Variants in SGCZ observed in about 807,000 individuals in gnomAD.
SGCZ encodes sarcoglycan zeta.
A neutral mutation model predicts 41.3 loss-of-function variants in SGCZ; 40 were observed. The observed-to-expected ratio is 0.97, with a 90% CI of 0.75 to 1.26. SGCZ has a LOEUF of 1.26. Ranked by LOEUF, SGCZ falls within the 50% of genes most tolerant of loss-of-function variation. The pLI is 0.00. For synonymous variants in SGCZ, 206 were observed against 137.5 expected (o/e 1.50, Z -3.49); for missense variants, 552 against 369.8 (o/e 1.49, Z -4.04).
chr8:15,012,606 A>AAAAT (rs372754667), intron 1 of SGCZ, among the ~76,000 whole-genome samples: 7 of 109,552 alleles, frequency 6.4e-5, no homozygotes, highest in African/African-American at 2.9e-4. Context: ...ATATTTATAT[A>AAAAT]ATACATATAT....
At chr8:14,310,818 A>C (rs559920728) in intron 3 of SGCZ, among the ~76,000 whole-genome samples, 2 of 152,248 alleles carry the variant, frequency 1.3e-5, no homozygotes, top group East Asian at 1.9e-4. Flanking sequence ...TAAGGGAAAT[A>C]TGGTGGTAAT....
At chr8:14,720,419 A>G (rs1390658128) in intron 1 of SGCZ, among the ~76,000 whole-genome samples, 1 of 152,146 alleles carries the variant, frequency 6.6e-6, no homozygotes, top group African/African-American at 2.4e-5. Flanking sequence ...ATTTTTCTAA[A>G]TAAAACAGTT....
intron 4 of SGCZ, among the ~76,000 whole-genome samples, chr8:14,203,935 G>A (rs902355579): frequency 2.0e-5 from 3 of 151,640 alleles, no homozygotes; most frequent in African/African-American, 7.3e-5. Context: ...ATAAATATAT[G>A]GAGAGGGGAG....
chr8:14,237,856 T>C (rs1806825590), intron 3 of SGCZ, among the ~76,000 whole-genome samples, 177 bp from the exon 4 acceptor site: 1 of 152,234 alleles, frequency 6.6e-6, no homozygotes, highest in Non-Finnish European at 1.5e-5. Flanking sequence ...AGCCTCATAA[T>C]AATTACTTGA....
At chr8:14,679,650 C>G (rs963885074) in intron 1 of SGCZ, among the ~76,000 whole-genome samples, 1 of 151,750 alleles carries the variant, frequency 6.6e-6, no homozygotes, top group Admixed American at 6.6e-5. Context: ...AAAACAGTTA[C>G]AGTAAGCTAA....
intron 1 of SGCZ, among the ~76,000 whole-genome samples, chr8:14,566,064 A>G (rs1011485637): frequency 4.6e-5 from 7 of 152,220 alleles, no homozygotes; most frequent in Non-Finnish European, 8.8e-5. Context: ...GGACAAATTC[A>G]CAATGAATAT....
intron 6 of SGCZ, among the ~76,000 whole-genome samples, chr8:14,105,378 A>C (rs1802172130): frequency 6.6e-6 from 1 of 152,118 alleles, no homozygotes; most frequent in African/African-American, 2.4e-5. Context: ...TGTTCTTCAC[A>C]ATAACAAAAC....
chr8:14,272,462 T>TGGTA (rs1184419540), intron 3 of SGCZ, among the ~76,000 whole-genome samples: 1 of 152,204 alleles, frequency 6.6e-6, no homozygotes, highest in Non-Finnish European at 1.5e-5. Context: ...AAGTCCTGAC[T>TGGTA]GGTAGCACTT....
chr8:14,464,906 T>G (rs1275165123), intron 2 of SGCZ, among the ~76,000 whole-genome samples: 2 of 151,658 alleles, frequency 1.3e-5, no homozygotes, highest in Admixed American at 1.3e-4. Flanking sequence ...CTTCTGTTAT[T>G]GATTCCTAAT....
At chr8:14,941,782 T>C (rs1240361010) in intron 1 of SGCZ, among the ~76,000 whole-genome samples, 1 of 151,670 alleles carries the variant, frequency 6.6e-6, no homozygotes, top group Non-Finnish European at 1.5e-5. Flanking sequence ...AAATTATCTC[T>C]TAACATATGT....
At chr8:14,856,333 C>G (rs1803544372) in intron 1 of SGCZ, among the ~76,000 whole-genome samples, 1 of 152,150 alleles carries the variant, frequency 6.6e-6, no homozygotes, top group African/African-American at 2.4e-5. Flanking sequence ...CAGGCCCTTG[C>G]TCTTTTTCAT....
chr8:14,365,130 G>A (rs1161329534), intron 2 of SGCZ, among the ~76,000 whole-genome samples: 2 of 151,904 alleles, frequency 1.3e-5, no homozygotes, highest in Non-Finnish European at 1.5e-5. Context: ...TGTTATTACA[G>A]TGATATATGC....
At chr8:14,217,574 G>C (rs1269118545) in intron 4 of SGCZ, among the ~76,000 whole-genome samples, 1 of 88,642 alleles carries the variant, frequency 1.1e-5, no homozygotes, top group Non-Finnish European at 3.4e-5. Context: ...AAAAGCACAT[G>C]ATGATTTTGA....
intron 6 of SGCZ, among the ~76,000 whole-genome samples, chr8:14,106,656 A>G (rs1802213553): frequency 1.3e-5 from 2 of 152,170 alleles, no homozygotes; most frequent in African/African-American, 2.4e-5. Flanking sequence ...CACTCATCCA[A>G]TGTGAAGGGC....
intron 1 of SGCZ, among the ~76,000 whole-genome samples, chr8:14,616,408 G>A (rs1183780156): frequency 6.6e-6 from 1 of 151,956 alleles, no homozygotes; most frequent in Non-Finnish European, 1.5e-5. Flanking sequence ...TAAAGCTTAA[G>A]CTTCCCGAAA....
intron 1 of SGCZ, among the ~76,000 whole-genome samples, chr8:14,935,351 G>T (rs574298628): frequency 2.2e-4 from 33 of 151,410 alleles, no homozygotes; most frequent in Non-Finnish European, 4.6e-4. Context: ...TTCTTTTATG[G>T]TAAGTCTTTC....
chr8:14,723,260 C>A (rs1218132150), intron 1 of SGCZ, among the ~76,000 whole-genome samples: 1 of 152,100 alleles, frequency 6.6e-6, no homozygotes, highest in Non-Finnish European at 1.5e-5. Flanking sequence ...AAATATTGAA[C>A]CTGAAGAAAA....
chr8:14,102,542 A>G (rs770412693), intron 6 of SGCZ, 43 bp from the exon 7 acceptor site: 1 of 1,320,966 alleles, frequency 7.6e-7, no homozygotes, highest in South Asian at 2.4e-5. Context: ...AAAAAAACAC[A>G]AAAAAATCAT....
intron 1 of SGCZ, among the ~76,000 whole-genome samples, chr8:15,116,059 T>C (rs1807257315): frequency 6.6e-6 from 1 of 152,146 alleles, no homozygotes; most frequent in Non-Finnish European, 1.5e-5. Flanking sequence ...TATAAGCAAA[T>C]GAATAGCTTC....
Sources: gnomAD v4.1 joint callset for allele counts (sites outside exome capture counted in the v4.1 genomes callset) on GRCh38, gnomAD v4.1.1 for gene constraint, MANE v1.5 for transcripts, NCBI Gene and HGNC (gene_info 2026-07-23, HGNC 2026-07-21) for gene names.